ADAMTSL1: variants seen among roughly 807,000 people sequenced by gnomAD.
The protein encoded by ADAMTSL1 is ADAMTS-like protein 1.
A neutral mutation model predicts 201.8 loss-of-function variants in ADAMTSL1; 126 were observed. The observed-to-expected ratio is 0.62, with a 90% CI of 0.54 to 0.72. The LOEUF is 0.72. Ranked by LOEUF, ADAMTSL1 falls within the 30% of genes least tolerant of loss-of-function variation. ADAMTSL1 has a pLI of 0.00. For missense variants in ADAMTSL1, 2,679 were observed against 2,277.8 expected, an observed-to-expected ratio of 1.18 and a Z score of -3.59; for synonymous variants, 1,121 against 903.4, an observed-to-expected ratio of 1.24 and a Z score of -4.32.
chr9:18,284,536 G>A (rs562503010), intron 2 of ADAMTSL1, among the ~76,000 whole-genome samples: 2 of 152,222 alleles, frequency 1.3e-5, no homozygotes, highest in African/African-American at 4.8e-5. Context: ...TGATAAATGA[G>A]GAAACAGGTG....
At chr9:17,999,754 C>T (rs1586875644) in intron 1 of ADAMTSL1, among the ~76,000 whole-genome samples, 1 of 149,724 alleles carries the variant, frequency 6.7e-6, no homozygotes, top group Admixed American at 6.7e-5. Context: ...TCCCTCCCCG[C>T]TCCCCCCACC....
chr9:18,810,826 G>T (rs1026916951), intron 20 of ADAMTSL1, among the ~76,000 whole-genome samples: 1 of 151,980 alleles, frequency 6.6e-6, no homozygotes, highest in Non-Finnish European at 1.5e-5. Flanking sequence ...TTACTGCTAA[G>T]TACCACTAAA....
chr9:18,647,617 T>A (rs4295751), intron 7 of ADAMTSL1, among the ~76,000 whole-genome samples: 12,037 of 151,880 alleles, frequency 0.079, 772 homozygotes, highest in African/African-American at 0.18. Context: ...AAAGAACATC[T>A]TTATTTCTGC....
intron 2 of ADAMTSL1, among the ~76,000 whole-genome samples, chr9:18,263,942 C>A (rs1832024160): frequency 6.6e-6 from 1 of 152,196 alleles, no homozygotes; most frequent in South Asian, 2.1e-4. Context: ...GTGGAAGTCA[C>A]TCAGTGTATG....
intron 1 of ADAMTSL1, among the ~76,000 whole-genome samples, chr9:18,014,286 G>A (rs1319111132): frequency 6.6e-6 from 1 of 151,920 alleles, no homozygotes; most frequent in Admixed American, 6.6e-5. Context: ...AACCTGATAT[G>A]CAACATCATG....
intron 2 of ADAMTSL1, among the ~76,000 whole-genome samples, chr9:18,342,471 A>G (rs967029899): frequency 6.6e-6 from 1 of 152,172 alleles, no homozygotes; most frequent in African/African-American, 2.4e-5. Context: ...CTCGTTTAGG[A>G]AAGTTGTCTC....
At chr9:18,196,615 C>A (rs1587286060) in intron 2 of ADAMTSL1, among the ~76,000 whole-genome samples, 1 of 152,014 alleles carries the variant, frequency 6.6e-6, no homozygotes, top group Non-Finnish European at 1.5e-5. Context: ...TTTGGGGGTG[C>A]TCTTCAAACC....
intron 2 of ADAMTSL1, among the ~76,000 whole-genome samples, chr9:18,179,392 A>T (rs1828344229): frequency 1.3e-5 from 2 of 152,240 alleles, no homozygotes; most frequent in Non-Finnish European, 2.9e-5. Flanking sequence ...GACCAAATCT[A>T]CGTCTGACTG....
At chr9:17,965,629 G>T (rs993581780) in intron 1 of ADAMTSL1, among the ~76,000 whole-genome samples, 2 of 152,124 alleles carry the variant, frequency 1.3e-5, no homozygotes, top group Non-Finnish European at 2.9e-5. Context: ...CATCATACAT[G>T]ATAAATTGGG....
intron 28 of ADAMTSL1, chr9:18,907,115 G>A (rs113916579): frequency 0.041 from 24,525 of 596,438 alleles, 902 homozygotes; most frequent in South Asian, 0.13. Flanking sequence ...TATGCCCCAA[G>A]GGCTTCCATG....
intron 2 of ADAMTSL1, among the ~76,000 whole-genome samples, chr9:18,521,655 C>G (rs1818697993): frequency 6.6e-6 from 1 of 152,076 alleles, no homozygotes; most frequent in African/African-American, 2.4e-5. Flanking sequence ...AGAGACAGTG[C>G]TGAATTGCCT....
chr9:18,265,219 GT>G, intron 2 of ADAMTSL1, among the ~76,000 whole-genome samples: 1 of 152,252 alleles, frequency 6.6e-6, no homozygotes, highest in Middle Eastern at 3.4e-3. Flanking sequence ...CAGGCCTGTT[GT>G]ACCTTGGGGT....
intron 2 of ADAMTSL1, among the ~76,000 whole-genome samples, chr9:18,352,559 CT>C (rs1176480211): frequency 6.6e-6 from 1 of 152,128 alleles, no homozygotes; most frequent in Non-Finnish European, 1.5e-5. Context: ...TTTAAATTTC[CT>C]TTCTATCCCA....
intron 1 of ADAMTSL1, among the ~76,000 whole-genome samples, chr9:18,159,189 A>G (rs1408744820): frequency 6.6e-6 from 1 of 152,062 alleles, no homozygotes; most frequent in Non-Finnish European, 1.5e-5. Context: ...CTTAATTCTC[A>G]GTAAACTATG....
chr9:18,505,744 G>A (rs1285491200), intron 2 of ADAMTSL1, among the ~76,000 whole-genome samples: 1 of 152,158 alleles, frequency 6.6e-6, no homozygotes, highest in Non-Finnish European at 1.5e-5. Context: ...GCAAGTAGGA[G>A]GTTTGCTCAA....
At chr9:18,296,489 C>G (rs965108484) in intron 2 of ADAMTSL1, among the ~76,000 whole-genome samples, 1 of 151,936 alleles carries the variant, frequency 6.6e-6, no homozygotes, top group Non-Finnish European at 1.5e-5. Flanking sequence ...TCAAAAAGTT[C>G]AGCAAAAGTA....
intron 1 of ADAMTSL1, among the ~76,000 whole-genome samples, chr9:18,156,997 TATGTCAAGGAAG>T (rs1383343819): frequency 2.0e-5 from 3 of 152,066 alleles, no homozygotes; most frequent in Non-Finnish European, 4.4e-5. Flanking sequence ...TCATCTTATA[TATGTCAAGGAAG>T]ATGTCTCAAA....
chr9:18,891,125 T>A (rs1257447381), intron 25 of ADAMTSL1, among the ~76,000 whole-genome samples: 2 of 128,196 alleles, frequency 1.6e-5, no homozygotes, highest in African/African-American at 2.9e-5. Flanking sequence ...AGGAGGAATT[T>A]GCTCCCCTTC....
At chr9:18,392,934 G>A (rs1342990881) in intron 2 of ADAMTSL1, among the ~76,000 whole-genome samples, 1 of 152,086 alleles carries the variant, frequency 6.6e-6, no homozygotes, top group African/African-American at 2.4e-5. Flanking sequence ...TGCTACCTAA[G>A]GTAAAAAGAT....
Sources: gnomAD v4.1 joint callset for allele counts (sites outside exome capture counted in the v4.1 genomes callset) on GRCh38, gnomAD v4.1.1 for gene constraint, MANE v1.5 for transcripts, NCBI Gene and HGNC (gene_info 2026-07-23, HGNC 2026-07-21) for gene names.